The following EZH2 variants were observed in gnomAD, a reference collection of about 807,000 sequenced individuals.
EZH2 encodes enhancer of zeste 2 polycomb repressive complex 2 subunit.
In EZH2, 18 loss-of-function variants were observed where a neutral mutation model predicts 98.4. The ratio of observed to expected loss-of-function variants is 0.18; its 90% CI spans 0.13 to 0.27. The LOEUF is 0.27. EZH2 is among the 10% of genes least tolerant of loss of function. EZH2 has a pLI of 1.00. For missense variants in EZH2, 470 were observed against 935.1 expected (o/e 0.50, Z 6.49); for synonymous variants, 338 against 312.3 (o/e 1.08, Z -0.87).
intron 14 of EZH2, 126 bp from the exon 15 acceptor site, chr7:148,814,263 A>C (rs555406457): frequency 1.3e-6 from 1 of 752,516 alleles, no homozygotes; most frequent in African/African-American, 1.8e-5. Flanking sequence ...TTATTACCCT[A>C]CTATATAGAC....
At position 148,817,255 on chromosome 7, in the gene EZH2, A is replaced by G. The variant is rs1353514491; in HGVS notation, c.1377T>C (p.Ile459=). Residue 459 remains isoleucine, a synonymous_variant, in exon 11 of 20, where the codon ATT becomes ATC. Coordinates refer to ENST00000320356, the MANE Select transcript of EZH2 (RefSeq NM_004456.5). ...IGTYYDNFCA[I]ARLIGTKTCR... Reference sequence around the variant, plus strand: ...ATGTTTTGGTCCCAATTAACCTAGCAATGGCACAGAAATTGTCATAGTAAG... The same window carrying G: ...ATGTTTTGGTCCCAATTAACCTAGCGATGGCACAGAAATTGTCATAGTAAG... 3 of 1,613,982 alleles carry G rather than the reference A, an allele frequency of 1.9e-6. No individual in the cohort carries two copies. In the Admixed American group the frequency reaches 5.0e-5, roughly 27 times the overall value.
At chr7:148,813,063 A>ACACG (rs1563198828) in intron 15 of EZH2, among the ~76,000 whole-genome samples, 5 of 149,232 alleles carry the variant, frequency 3.4e-5, no homozygotes, top group African/African-American at 1.2e-4. Flanking sequence ...ACACACACAC[A>ACACG]CACACACACA....
chr7:148,858,047 C>A (rs1467813849), intron 1 of EZH2, among the ~76,000 whole-genome samples: 3 of 150,508 alleles, frequency 2.0e-5, no homozygotes, highest in Admixed American at 2.0e-4. Context: ...AATCCCAGCA[C>A]TTTGGGAGGC....
chr7:148,809,327 G>T lies in EZH2; in HGVS notation c.2093C>A (p.Pro698Gln). ...KIRFANHSVN[P>Q]NCYAKVMMVN... ...GTACCTACCTTTTGCATAGCAGTTT[G>T]GATTTACCGAATGATTTGCAAAACG... is the stretch of plus-strand genomic sequence containing the variant. Residue 698 changes from proline to glutamine, a missense_variant, in exon 18 of 20, where the codon CCA becomes CAA. This residue lies in a region of EZH2 where 106 missense variants were observed against 327.2 expected (regional missense o/e 0.32). Coordinates refer to ENST00000320356, the MANE Select transcript of EZH2 (RefSeq NM_004456.5). The T allele has an allele frequency of 6.2e-7, 1 of 1,604,160 alleles. No homozygotes were observed. Among genetic ancestry groups the T allele is most frequent in the Non-Finnish European group, 8.5e-7 (1 of 1,171,516 alleles).
chr7:148,827,877 G>T (rs1808172639), intron 6 of EZH2, among the ~76,000 whole-genome samples: 1 of 152,200 alleles, frequency 6.6e-6, no homozygotes, highest in African/African-American at 2.4e-5. Context: ...TAGCACTTTG[G>T]GAGGCCGAGG....
In EZH2 at chr7:148,809,334, C is replaced by G. The variant is rs781275057; in HGVS notation, c.2086G>C (p.Val696Leu). 6.2e-7 allele frequency: 1 copy of G among 1,604,126 alleles called. No homozygotes were observed. Among genetic ancestry groups the G allele is most frequent in the Non-Finnish European group, 8.5e-7 (1 of 1,171,440 alleles). The change falls in exon 18 of 20, where the codon GTA becomes CTA. Residue 696 changes from valine (V) to leucine (L), a missense_variant. Transcript: ENST00000320356. ...CCTTTTGCATAGCAGTTTGGATTTA[C>G]CGAATGATTTGCAAAACGAATTTTG... The part of the protein sequence containing the change: ...GNKIRFANHS[V>L]NPNCYAKVMM...
In EZH2 at chr7:148,876,611, G is replaced by A. The variant is rs540745836; in HGVS notation, c.-8+7553C>T. On this transcript the variant is annotated intron_variant, in intron 1 of 19. Transcript: ENST00000320356. ...CATAAGGATGTTCACTTCTTTTCAG[G>A]AGAGAAAACAATGTCAATCACAACA... 5.3e-5 allele frequency among the ~76,000 whole-genome samples: 8 copies of A among 151,924 alleles called. No homozygotes were observed. The South Asian group carries it at 1.7e-3, about 32-fold the overall frequency.
chr7:148,842,140 T>C (rs1812614004), intron 3 of EZH2, among the ~76,000 whole-genome samples: 1 of 152,198 alleles, frequency 6.6e-6, no homozygotes, highest in African/African-American at 2.4e-5. Flanking sequence ...TATATTCTCC[T>C]GGGAATCTAG....
intron 1 of EZH2, among the ~76,000 whole-genome samples, chr7:148,851,439 G>T (rs192876502): frequency 2.3e-4 from 35 of 152,192 alleles, no homozygotes; most frequent in Non-Finnish European, 4.0e-4. Context: ...TCTGTGCCTG[G>T]CATATAGTGA....
intron 9 of EZH2, 62 bp downstream of exon 9, chr7:148,819,534 C>G: frequency 7.4e-7 from 1 of 1,351,866 alleles, no homozygotes; most frequent in Non-Finnish European, 1.1e-6. Flanking sequence ...GACTTGATCA[C>G]CTCCACCAAA....
chr7:148,819,838 C>T, intron 8 of EZH2, 151 bp from the exon 9 acceptor site: 1 of 649,064 alleles, frequency 1.5e-6, no homozygotes, highest in South Asian at 2.0e-5. Flanking sequence ...CAGGCTCTTA[C>T]TGAATGATCA....
At chr7:148,876,546 C>T (rs1820195080) in intron 1 of EZH2, among the ~76,000 whole-genome samples, 1 of 152,118 alleles carries the variant, frequency 6.6e-6, no homozygotes, top group South Asian at 2.1e-4. Context: ...CTTGAAAGAG[C>T]CAACTCTATA....
Position 148,827,269 on chromosome 7 carries a change from A to C in EZH2, c.626-3T>G, listed in dbSNP as rs775960927. 6.2e-7 allele frequency: 1 copy of C among 1,605,268 alleles called. No individual in the cohort carries two copies. The highest frequency in any genetic ancestry group is 1.7e-5 in the Admixed American group (1 of 58,852). ...CCGAGGTGGGCGGCTTTCTTTATCT[A>C]AACAGGAGAATATGAAAGGAAAAAA... On this transcript the variant is annotated splice_region_variant and splice_polypyrimidine_tract_variant and intron_variant, in intron 6 of 19. Coordinates refer to ENST00000320356, the MANE Select transcript of EZH2 (RefSeq NM_004456.5).
intron 1 of EZH2, among the ~76,000 whole-genome samples, chr7:148,863,895 G>C (rs190917139): frequency 6.6e-6 from 1 of 152,178 alleles, no homozygotes; most frequent in Non-Finnish European, 1.5e-5. Context: ...AAATACAACA[G>C]GTTTTAGTGC....
At chr7:148,813,417 A>C (rs1803720350) in intron 15 of EZH2, among the ~76,000 whole-genome samples, 1 of 152,024 alleles carries the variant, frequency 6.6e-6, no homozygotes, top group African/African-American at 2.4e-5. Context: ...TGATAGAGTT[A>C]ACTCACCTAC....
chr7:148,807,833 AAAAC>A, intron 19 of EZH2, 127 bp from the exon 20 acceptor site: 4 of 642,770 alleles, frequency 6.2e-6, no homozygotes, highest in South Asian at 1.9e-5. Flanking sequence ...AAAAAAAAAA[AAAAC>A]CCATCCAATT....
chr7:148,818,739 T>C (rs1805240737), intron 9 of EZH2, among the ~76,000 whole-genome samples: 1 of 152,194 alleles, frequency 6.6e-6, no homozygotes, highest in Non-Finnish European at 1.5e-5. Context: ...GGGTTACATC[T>C]TGCATTATGA....
chr7:148,813,423 C>A (rs1803721759), intron 15 of EZH2, among the ~76,000 whole-genome samples: 1 of 151,492 alleles, frequency 6.6e-6, no homozygotes, highest in Admixed American at 6.6e-5. Context: ...AGTTAACTCA[C>A]CTACATACAA....
intron 1 of EZH2, among the ~76,000 whole-genome samples, chr7:148,859,587 C>A (rs1286377115): frequency 6.6e-6 from 1 of 152,026 alleles, no homozygotes; most frequent in Non-Finnish European, 1.5e-5. Flanking sequence ...GGAGAAAAAA[C>A]AATACAGGTA....
Sources: allele counts gnomAD v4.1 joint callset (sites outside exome capture counted in the v4.1 genomes callset), GRCh38; gene constraint gnomAD v4.1.1; regional missense constraint gnomAD v4.1.1; transcripts MANE v1.5; gene names NCBI Gene and HGNC (gene_info 2026-07-23, HGNC 2026-07-21).